Variants in DPP6 observed in about 807,000 individuals in gnomAD.
The protein encoded by DPP6 is dipeptidyl peptidase like 6, also known as A-type potassium channel modulatory protein DPP6.
Under a neutral mutation model 122.6 loss-of-function variants are expected in DPP6, and 69 were observed. The ratio of observed to expected loss-of-function variants is 0.56; its 90% CI spans 0.46 to 0.69. The LOEUF (loss-of-function observed/expected upper bound fraction) is 0.69, where lower values mean the gene tolerates loss of function less well. Ranked by LOEUF, DPP6 falls within the 30% of genes least tolerant of loss-of-function variation. The pLI is 0.00. For synonymous variants in DPP6, 418 were observed against 433.1 expected, an observed-to-expected ratio of 0.97 and a Z score of 0.43; for missense variants, 928 against 1,116.9, an observed-to-expected ratio of 0.83 and a Z score of 2.41.
intron 2 of DPP6, among the ~76,000 whole-genome samples, chr7:154,469,241 A>G (rs1822052507): frequency 6.6e-6 from 1 of 152,192 alleles, no homozygotes; most frequent in South Asian, 2.1e-4. Flanking sequence ...CTGACTGTAC[A>G]TTTTCTTGTA....
At chr7:154,458,465 C>A (rs1194663382) in intron 2 of DPP6, among the ~76,000 whole-genome samples, 1 of 152,126 alleles carries the variant, frequency 6.6e-6, no homozygotes, top group Non-Finnish European at 1.5e-5. Context: ...TTCTTCATAG[C>A]AGTATGAAAA....
chr7:154,083,935 G>A (rs1804216034), intron 1 of DPP6, among the ~76,000 whole-genome samples: 2 of 145,044 alleles, frequency 1.4e-5, no homozygotes, highest in Admixed American at 1.3e-4. Context: ...CCTAAACCTT[G>A]GGGGCTAGAA....
At chr7:154,357,609 A>T (rs1811376092) in intron 1 of DPP6, among the ~76,000 whole-genome samples, 1 of 152,166 alleles carries the variant, frequency 6.6e-6, no homozygotes, top group African/African-American at 2.4e-5. Flanking sequence ...ATTTCTAAAG[A>T]ATTGTGGGAG....
chr7:153,788,446 CT>C, the DPP6 span, among the ~76,000 whole-genome samples: 6 of 152,202 alleles, frequency 3.9e-5, no homozygotes, highest in Non-Finnish European at 8.8e-5. Flanking sequence ...GGCTCAAAAA[CT>C]TATCAGTTTC....
intron 1 of DPP6, among the ~76,000 whole-genome samples, chr7:154,397,230 T>C (rs1815170125): frequency 6.6e-6 from 1 of 151,620 alleles, no homozygotes; most frequent in Non-Finnish European, 1.5e-5. Flanking sequence ...ATGTTTTTTT[T>C]CATGAGCATT....
At chr7:154,455,057 G>A (rs1440375146) in intron 2 of DPP6, among the ~76,000 whole-genome samples, 1 of 152,126 alleles carries the variant, frequency 6.6e-6, no homozygotes, top group East Asian at 1.9e-4. Context: ...CAAAGTCCAG[G>A]TGGGCTCCAT....
chr7:153,809,657 C>T, the DPP6 span, among the ~76,000 whole-genome samples: 1 of 151,956 alleles, frequency 6.6e-6, no homozygotes, highest in African/African-American at 2.4e-5. Context: ...AATGTGATCA[C>T]CTAAATATAA....
chr7:154,894,006 T>A lies in DPP6; in HGVS notation c.*1526T>A, dbSNP rs1806853649. 1 of 152,210 alleles carries A rather than the reference T, an allele frequency of 6.6e-6. No homozygotes were observed. Among genetic ancestry groups the A allele is most frequent in the Admixed American group, 6.5e-5 (1 of 15,290 alleles). 9.4% of individuals were successfully genotyped at this position (152,210 alleles called of 1,614,324 possible). Reference sequence around the variant, plus strand: ...GGGCTTTGGGTTTATCCACATGAGCTCTGAACGTCCGTTATAGTTAGGGTG... The same window carrying A: ...GGGCTTTGGGTTTATCCACATGAGCACTGAACGTCCGTTATAGTTAGGGTG... On this transcript the variant is annotated 3_prime_UTR_variant, in exon 26 of 26. Coordinates refer to ENST00000377770, the MANE Select transcript of DPP6 (RefSeq NM_130797.4).
At chr7:154,334,615 G>A (rs1809239321) in intron 1 of DPP6, among the ~76,000 whole-genome samples, 1 of 152,160 alleles carries the variant, frequency 6.6e-6, no homozygotes, top group Non-Finnish European at 1.5e-5. Flanking sequence ...AAAAATACAA[G>A]CCTGGGCACA....
At chr7:154,457,800 T>G (rs1428563667) in intron 2 of DPP6, among the ~76,000 whole-genome samples, 1 of 19,790 alleles carries the variant, frequency 5.1e-5, no homozygotes, top group Non-Finnish European at 9.7e-5. Context: ...GGAAGGGGAA[T>G]ATCACACTCT....
intron 4 of DPP6, among the ~76,000 whole-genome samples, chr7:154,563,367 T>A (rs1370560740): frequency 5.3e-5 from 8 of 152,100 alleles, no homozygotes; most frequent in Admixed American, 3.9e-4. Flanking sequence ...GCCTGGTCAG[T>A]CAGGACTTTG....
At chr7:154,831,369 G>A (rs1037175779) in intron 16 of DPP6, among the ~76,000 whole-genome samples, 1 of 152,168 alleles carries the variant, frequency 6.6e-6, no homozygotes, top group African/African-American at 2.4e-5. Context: ...ACTGATGTAG[G>A]GTTACCTAGA....
In DPP6 at chr7:154,821,642, A is replaced by G. The variant is rs1406769497; in HGVS notation, c.1666+14530A>G. Among the ~76,000 whole-genome samples the G allele has an allele frequency of 1.7e-4, 15 of 86,452 alleles. No individual in the cohort carries two copies. Among genetic ancestry groups the G allele is most frequent in the African/African-American group, 1.0e-3 (15 of 14,494 alleles). 56.7% of individuals were successfully genotyped at this position (86,452 alleles called of 152,430 possible). A position where few individuals can be genotyped will look rare whatever the true frequency, so the allele number is the denominator to read the frequency against. On this transcript the variant is annotated intron_variant, in intron 16 of 25. Coordinates refer to ENST00000377770, the MANE Select transcript of DPP6 (RefSeq NM_130797.4). This position sits in a 1 kb window ranked among gnomAD's most constrained non-coding sequence, Gnocchi z 4.2. ...ATTTTTTTTCTGTATATATATATAT[A>G]TATACACATATATATATATATACAC... is the stretch of plus-strand genomic sequence containing the variant.
At chr7:154,106,649 G>C (rs1806181298) in intron 1 of DPP6, among the ~76,000 whole-genome samples, 1 of 151,676 alleles carries the variant, frequency 6.6e-6, no homozygotes, top group Non-Finnish European at 1.5e-5. Flanking sequence ...AGGAGGTCTG[G>C]GAAGGTGTCT....
At chr7:154,759,280 C>T (rs989923735) in intron 8 of DPP6, among the ~76,000 whole-genome samples, 7 of 152,316 alleles carry the variant, frequency 4.6e-5, no homozygotes, top group South Asian at 2.1e-4. Flanking sequence ...TTATCCTCCC[C>T]GAAGAGGAGC....
At chr7:154,108,996 G>A (rs1806364392) in intron 1 of DPP6, among the ~76,000 whole-genome samples, 2 of 152,178 alleles carry the variant, frequency 1.3e-5, no homozygotes, top group Admixed American at 1.3e-4. Context: ...ACATATGCAG[G>A]TTTGTTACAT....
intron 1 of DPP6, among the ~76,000 whole-genome samples, chr7:154,227,505 G>A (rs1001600408): frequency 6.6e-5 from 10 of 152,156 alleles, no homozygotes; most frequent in Non-Finnish European, 1.0e-4. Context: ...TGTGAATATA[G>A]TTAACAGTAT....
At chr7:154,275,314 C>T (rs1448111533) in intron 1 of DPP6, among the ~76,000 whole-genome samples, 1 of 152,200 alleles carries the variant, frequency 6.6e-6, no homozygotes, top group African/African-American at 2.4e-5. Flanking sequence ...TGTGTCCCCT[C>T]CCCATGGGTT....
intron 12 of DPP6, among the ~76,000 whole-genome samples, chr7:154,799,461 A>G (rs1798227139): frequency 6.6e-6 from 1 of 152,128 alleles, no homozygotes; most frequent in African/African-American, 2.4e-5. Context: ...TGCCAGAACC[A>G]TCTGCATTTG....
Sources: allele counts gnomAD v4.1 joint callset (sites outside exome capture counted in the v4.1 genomes callset), GRCh38; gene constraint gnomAD v4.1.1; non-coding constraint Gnocchi (gnomAD v3.1); transcripts MANE v1.5; gene names NCBI Gene and HGNC (gene_info 2026-07-23, HGNC 2026-07-21).